Variants in ACCS observed in about 807,000 individuals in gnomAD.
The protein encoded by ACCS is 1-aminocyclopropane-1-carboxylate synthase-like protein 1.
ACCS carries 42 observed loss-of-function variants against 59.8 expected under a neutral mutation model. The ratio of observed to expected loss-of-function variants is 0.70; its 90% CI spans 0.55 to 0.91. ACCS has a LOEUF of 0.91. ACCS is among the 40% of genes least tolerant of loss of function. ACCS has a pLI of 0.00. For synonymous variants in ACCS, 230 were observed against 240.3 expected, an observed-to-expected ratio of 0.96 and a Z score of 0.40; for missense variants, 602 against 630.4, an observed-to-expected ratio of 0.95 and a Z score of 0.48.
At chr11:44,073,413 G>GC in intron 3 of ACCS, 34 bp from the exon 4 acceptor site, 1 of 1,572,026 alleles carries the variant, frequency 6.4e-7, no homozygotes, top group East Asian at 2.3e-5. Context: ...AGCAGTGCTG[G>GC]CCCTCAGCCG....
At position 44,081,046 on chromosome 11, in the gene ACCS, T is replaced by A. The variant is rs1398818723; in HGVS notation, c.950T>A (p.Val317Glu). Residue 317 changes from valine to glutamate, a missense_variant, in exon 11 of 15, where the codon GTG (valine) becomes GAG (glutamate). By Grantham distance (121) the Val-to-Glu change is moderately radical. Coordinates refer to ENST00000263776, the MANE Select transcript of ACCS (RefSeq NM_032592.4). Reference sequence around the variant, plus strand: ...CTCCCTGACCCCCAGAGGACCCATGTGATGTGGGCAACCAGCAAGGTGAGT... The same window carrying A: ...CTCCCTGACCCCCAGAGGACCCATGAGATGTGGGCAACCAGCAAGGTGAGT... ...ERLPDPQRTH[V>E]MWATSKDFGM... is the part of the protein sequence containing the mutation. The A allele has an allele frequency of 8.7e-6, 14 of 1,614,046 alleles. No homozygotes were observed. The Admixed American group carries it at 2.3e-4, about 27-fold the overall frequency.
chr11:44,072,096 T>C (rs955084488), intron 3 of ACCS: 1 of 152,136 alleles, frequency 6.6e-6, no homozygotes, highest in African/African-American at 2.4e-5. Flanking sequence ...AAGGAACATA[T>C]TTCCAAAGGG....
chr11:44,067,977 T>C, intron 2 of ACCS, 62 bp downstream of exon 2: 1 of 1,502,786 alleles, frequency 6.7e-7, no homozygotes, highest in Non-Finnish European at 8.9e-7. Flanking sequence ...GTACCCTACC[T>C]TGACCAATAA....
chr11:44,076,314 C>T (rs76007545), intron 6 of ACCS, among the ~76,000 whole-genome samples: 18,042 of 152,162 alleles, frequency 0.12, 1,070 homozygotes, highest in Middle Eastern at 0.18. Flanking sequence ...ATTTATTGAC[C>T]ACGTACTGTG....
intron 2 of ACCS, among the ~76,000 whole-genome samples, chr11:44,068,463 G>A (rs1952893487): frequency 6.6e-6 from 1 of 152,062 alleles, no homozygotes; most frequent in African/African-American, 2.4e-5. Flanking sequence ...AAATTAACAG[G>A]GTGTGGTGGC....
intron 2 of ACCS, among the ~76,000 whole-genome samples, chr11:44,070,615 G>C (rs993270562): frequency 6.6e-6 from 1 of 152,174 alleles, no homozygotes; most frequent in Non-Finnish European, 1.5e-5. Context: ...TGGGGACTCT[G>C]TAAGGGAGAG....
At chr11:44,075,662 C>A in intron 6 of ACCS, 70 bp downstream of exon 6, 1 of 1,550,430 alleles carries the variant, frequency 6.4e-7, no homozygotes, top group Non-Finnish European at 8.9e-7. Context: ...AGTTGCCTGG[C>A]CTCAAGGGCT....
chr11:44,078,439 C>T (rs1953479623), intron 8 of ACCS: 4 of 454,780 alleles, frequency 8.8e-6, no homozygotes, highest in Non-Finnish European at 1.6e-5. Flanking sequence ...AAAGGCCAAC[C>T]CAAAATTCTA....
At position 44,076,624 on chromosome 11, in the gene ACCS, C is replaced by T. The variant is rs76265009; in HGVS notation, c.557-655C>T. On this transcript the variant is annotated intron_variant, in intron 6 of 14. Coordinates refer to ENST00000263776, the MANE Select transcript of ACCS (RefSeq NM_032592.4). ...AGGATATAATAAATAGTACCTCCTT[C>T]GGAGACTAATTGTCAGGAGCAAATG... Among the ~76,000 whole-genome samples, 671 of 152,326 alleles carry T rather than the reference C, an allele frequency of 4.4e-3. 6 individuals carry two copies. The highest frequency in any genetic ancestry group is 0.015 in the African/African-American group (640 of 41,562).
chr11:44,076,636 G>T (rs546380425), intron 6 of ACCS, among the ~76,000 whole-genome samples: 2 of 152,372 alleles, frequency 1.3e-5, no homozygotes, highest in African/African-American at 4.8e-5. Context: ...GAGACTAATT[G>T]TCAGGAGCAA....
At chr11:44,073,550 C>T in intron 4 of ACCS, 33 bp downstream of exon 4, 1 of 1,572,902 alleles carries the variant, frequency 6.4e-7, no homozygotes, top group Non-Finnish European at 8.6e-7. Flanking sequence ...GTTTGTCCCC[C>T]TGGGGATGTG....
At position 44,081,080 on chromosome 11, in the gene ACCS, G is replaced by A; in HGVS notation, c.969+15G>A. The A allele has an allele frequency of 1.2e-6, 2 of 1,614,218 alleles. No homozygotes were observed. The highest frequency in any genetic ancestry group is 1.7e-6 in the Non-Finnish European group (2 of 1,180,048). On this transcript the variant is annotated intron_variant, in intron 11 of 14. Transcript: ENST00000263776. ...CAACCAGCAAGGTGAGTTCCTGGCTGGCCTTGGGGGTGTCAGAAGGGTGGG... is the reference window on the plus strand; with the variant it reads ...CAACCAGCAAGGTGAGTTCCTGGCTAGCCTTGGGGGTGTCAGAAGGGTGGG...
At position 44,083,716 on chromosome 11, in the gene ACCS, T is replaced by C; in HGVS notation, c.1430T>C (p.Val477Ala). 1 of 1,614,090 alleles carries C rather than the reference T, an allele frequency of 6.2e-7. No homozygotes were observed. The highest frequency in any genetic ancestry group is 8.5e-7 in the Non-Finnish European group (1 of 1,179,974). ...CCAGGGATGCAGAGGGTCCAGCAGGTGCTTGCAGGCAAATCCCAAGTGGCA... is the reference window on the plus strand; with the variant it reads ...CCAGGGATGCAGAGGGTCCAGCAGGCGCTTGCAGGCAAATCCCAAGTGGCA... ...LCLGMQRVQQ[V>A]LAGKSQVAED... Residue 477 changes from valine (V) to alanine (A), a missense_variant, in exon 15 of 15, where the codon GTG becomes GCG. By Grantham distance (64) the Val-to-Ala change is moderately conservative. Coordinates refer to ENST00000263776, the MANE Select transcript of ACCS (RefSeq NM_032592.4).
intron 2 of ACCS, among the ~76,000 whole-genome samples, 164 bp from the exon 3 acceptor site, chr11:44,071,092 C>T (rs979367017): frequency 2.0e-5 from 3 of 152,180 alleles, no homozygotes; most frequent in African/African-American, 7.2e-5. Context: ...TGGGATCAGG[C>T]AGCTGAGCAG....
intron 4 of ACCS, among the ~76,000 whole-genome samples, chr11:44,074,344 A>G (rs1953206147): frequency 6.6e-6 from 1 of 152,190 alleles, no homozygotes; most frequent in African/African-American, 2.4e-5. Context: ...GTTTATTAGT[A>G]TAATTAGCTA....
intron 8 of ACCS, 70 bp from the exon 9 acceptor site, chr11:44,078,614 C>A: frequency 2.2e-6 from 3 of 1,388,834 alleles, no homozygotes; most frequent in African/African-American, 1.4e-5. Flanking sequence ...CAGCGATCAG[C>A]CCCCTTTGAC....
At chr11:44,078,119 A>G in intron 8 of ACCS, 197 bp downstream of exon 8, 3 of 632,252 alleles carry the variant, frequency 4.7e-6, no homozygotes, top group Non-Finnish European at 7.9e-6. Context: ...CTTTCAAAAC[A>G]GACTCTCAGA....
chr11:44,076,136 T>C (rs1953350060), intron 6 of ACCS, among the ~76,000 whole-genome samples: 1 of 152,198 alleles, frequency 6.6e-6, no homozygotes, highest in South Asian at 2.1e-4. Context: ...AAACTAGTGC[T>C]CTCTTAGCAT....
intron 6 of ACCS, among the ~76,000 whole-genome samples, chr11:44,077,003 C>A (rs925825325): frequency 2.0e-5 from 3 of 152,190 alleles, no homozygotes; most frequent in African/African-American, 7.2e-5. Context: ...GCCCCCGTTA[C>A]TCAATTACTT....
Sources: gnomAD v4.1 joint callset for allele counts (sites outside exome capture counted in the v4.1 genomes callset) on GRCh38, gnomAD v4.1.1 for gene constraint, MANE v1.5 for transcripts, NCBI Gene and HGNC (gene_info 2026-07-23, HGNC 2026-07-21) for gene names.